The following PDZD2 variants were observed in gnomAD, a reference collection of about 807,000 sequenced individuals.
PDZD2 encodes PDZ domain-containing protein 2.
PDZD2 carries 90 observed loss-of-function variants against 220.7 expected under a neutral mutation model. The ratio of observed to expected loss-of-function variants is 0.41; its 90% CI spans 0.34 to 0.49. PDZD2 has a LOEUF of 0.49. PDZD2 is among the 20% of genes least tolerant of loss of function. PDZD2 has a pLI of 0.28. For synonymous variants in PDZD2, 1,375 were observed against 1,450.5 expected, an observed-to-expected ratio of 0.95 and a Z score of 1.18; for missense variants, 3,174 against 3,608.5, an observed-to-expected ratio of 0.88 and a Z score of 3.08.
chr5:31,757,572 A>G (rs1751369906), intron 1 of PDZD2, among the ~76,000 whole-genome samples: 1 of 151,662 alleles, frequency 6.6e-6, no homozygotes, highest in Admixed American at 6.6e-5. Flanking sequence ...AGCCTGGGAG[A>G]CAGAGCGAGA....
At chr5:31,928,116 C>T (rs1744951430) in intron 2 of PDZD2, among the ~76,000 whole-genome samples, 1 of 152,220 alleles carries the variant, frequency 6.6e-6, no homozygotes, top group African/African-American at 2.4e-5. Context: ...AGATGGCCCT[C>T]TGCTGAAGGG....
At chr5:32,081,286 G>A (rs949695849) in intron 19 of PDZD2, among the ~76,000 whole-genome samples, 3 of 152,228 alleles carry the variant, frequency 2.0e-5, no homozygotes, top group South Asian at 4.2e-4. Context: ...CATAGATAAT[G>A]AGCCTTGAGA....
rs1180391260 is a variant in PDZD2, at chr5:32,110,725, T to G, written c.*2590T>G. ...ATCTCATTGAATTTGATGGTTGACT[T>G]AATTGGCACCATAACTTTGTATGAT... is the stretch of plus-strand genomic sequence containing the variant. On this transcript the variant is annotated 3_prime_UTR_variant, in exon 25 of 25. Coordinates refer to ENST00000438447, the MANE Select transcript of PDZD2 (RefSeq NM_178140.4). 1 of 152,654 alleles carries G rather than the reference T, an allele frequency of 6.6e-6. No individual in the cohort carries two copies. The highest frequency in any genetic ancestry group is 1.5e-5 in the Non-Finnish European group (1 of 68,038). 9.5% of individuals were successfully genotyped at this position (152,654 alleles called of 1,614,324 possible).
chr5:32,053,212 T>C (rs1738755386), intron 9 of PDZD2, among the ~76,000 whole-genome samples: 1 of 152,204 alleles, frequency 6.6e-6, no homozygotes, highest in Non-Finnish European at 1.5e-5. Context: ...CCCTCAACTT[T>C]TACCTCCAGT....
chr5:32,030,417 G>T (rs772445367), intron 6 of PDZD2, among the ~76,000 whole-genome samples: 1 of 152,168 alleles, frequency 6.6e-6, no homozygotes, highest in Non-Finnish European at 1.5e-5. Context: ...ACGTGGCATT[G>T]CTTTCTCCTA....
chr5:31,926,665 T>A (rs970875380), intron 2 of PDZD2, among the ~76,000 whole-genome samples: 8 of 152,158 alleles, frequency 5.3e-5, no homozygotes, highest in Non-Finnish European at 7.3e-5. Context: ...TTTGGAGATT[T>A]CTCAAAGAAC....
chr5:31,899,746 A>G (rs1399888594), intron 2 of PDZD2, among the ~76,000 whole-genome samples: 2 of 152,342 alleles, frequency 1.3e-5, no homozygotes, highest in East Asian at 3.9e-4. Flanking sequence ...TCATCAAATC[A>G]TCATCAAATT....
At chr5:32,006,745 G>A (rs1752843407) in intron 5 of PDZD2, among the ~76,000 whole-genome samples, 3 of 144,038 alleles carry the variant, frequency 2.1e-5, no homozygotes, top group Non-Finnish European at 4.5e-5. Context: ...ACTGCAGTGC[G>A]GTGGTACAAT....
At chr5:31,757,310 G>A (rs1751354600) in intron 1 of PDZD2, among the ~76,000 whole-genome samples, 1 of 152,008 alleles carries the variant, frequency 6.6e-6, no homozygotes, top group South Asian at 2.1e-4. Flanking sequence ...ACAAATAAAA[G>A]GCCAGGCACG....
rs1300624657 is a variant in PDZD2 at position 31,772,672 on chromosome 5, A to T, written c.-360-26217A>T. ...GCAACATTAGAATATACTAGAATGG[A>T]TAAATTTTAAATTTCTATCTTAAAA... On this transcript the variant is annotated intron_variant, in intron 1 of 24. Coordinates refer to ENST00000438447, the MANE Select transcript of PDZD2 (RefSeq NM_178140.4). Among the ~76,000 whole-genome samples the T allele has an allele frequency of 2.0e-5, 3 of 152,338 alleles. No homozygotes were observed. In the East Asian group the frequency reaches 5.8e-4, roughly 29 times the overall value.
chr5:31,687,733 C>T (rs1259537566), intron 1 of PDZD2, among the ~76,000 whole-genome samples: 6 of 152,306 alleles, frequency 3.9e-5, no homozygotes, highest in Admixed American at 1.3e-4. Flanking sequence ...CGGGTTCTAG[C>T]GAGGGCCTTC....
chr5:31,696,629 G>C (rs439399), intron 1 of PDZD2, among the ~76,000 whole-genome samples: 46,532 of 151,952 alleles, frequency 0.31, 8,327 homozygotes, highest in African/African-American at 0.5. Context: ...CTGAAAATAC[G>C]CTTCACAAGA....
At chr5:31,996,097 C>T (rs1169297089) in intron 4 of PDZD2, among the ~76,000 whole-genome samples, 1 of 152,120 alleles carries the variant, frequency 6.6e-6, no homozygotes, top group Non-Finnish European at 1.5e-5. Context: ...TAAGACTTGA[C>T]GAATGACCCG....
chr5:32,004,069 C>T (rs1369474509), intron 5 of PDZD2, among the ~76,000 whole-genome samples: 1 of 150,168 alleles, frequency 6.7e-6, no homozygotes, highest in Non-Finnish European at 1.5e-5. Context: ...AAGTCGTTAT[C>T]CAGAAACACA....
At chr5:31,855,853 G>A (rs1357266284) in intron 2 of PDZD2, among the ~76,000 whole-genome samples, 1 of 152,168 alleles carries the variant, frequency 6.6e-6, no homozygotes, top group Non-Finnish European at 1.5e-5. Context: ...CTGTCCTGTA[G>A]CTCCTCTCTA....
At chr5:32,080,356 A>AG (rs2112433853) in intron 19 of PDZD2, among the ~76,000 whole-genome samples, 1 of 149,432 alleles carries the variant, frequency 6.7e-6, no homozygotes, top group East Asian at 1.9e-4. Context: ...TCAAAAAAAA[A>AG]AAAAAAAAAA....
chr5:31,888,549 G>A (rs564314172), intron 2 of PDZD2, among the ~76,000 whole-genome samples: 55 of 152,304 alleles, frequency 3.6e-4, no homozygotes, highest in African/African-American at 1.3e-3. Context: ...TACGTACTCC[G>A]ATTTGTGAGG....
intron 1 of PDZD2, among the ~76,000 whole-genome samples, chr5:31,648,457 C>T (rs1459632097): frequency 4.6e-5 from 7 of 152,116 alleles, no homozygotes; most frequent in African/African-American, 9.7e-5. Flanking sequence ...TCTCTTTTCC[C>T]GACACTCTGT....
intron 1 of PDZD2, among the ~76,000 whole-genome samples, chr5:31,768,135 T>G (rs944173189): frequency 7.9e-5 from 12 of 151,726 alleles, no homozygotes; most frequent in African/African-American, 2.4e-5. Flanking sequence ...TCCAGTGAGG[T>G]GGGGTAGGCA....
Sources: allele counts gnomAD v4.1 joint callset (sites outside exome capture counted in the v4.1 genomes callset), GRCh38; gene constraint gnomAD v4.1.1; transcripts MANE v1.5; gene names NCBI Gene and HGNC (gene_info 2026-07-23, HGNC 2026-07-21).